SCAMP3: variants seen among roughly 807,000 people sequenced by gnomAD.
The protein encoded by SCAMP3 is secretory carrier membrane protein 3.
A neutral mutation model predicts 44.1 loss-of-function variants in SCAMP3; 30 were observed. The ratio of observed to expected loss-of-function variants is 0.68; its 90% CI spans 0.51 to 0.92. The LOEUF is 0.92. Among genes scored for constraint, SCAMP3 ranks in the 40% least tolerant of loss-of-function variants. The pLI is 0.00. For missense variants in SCAMP3, 394 were observed against 440.0 expected, an observed-to-expected ratio of 0.90 and a Z score of 0.93; for synonymous variants, 168 against 171.1, an observed-to-expected ratio of 0.98 and a Z score of 0.14.
chr1:155,262,339 G>A lies in SCAMP3; in HGVS notation c.-188C>T. On this transcript the variant is annotated 5_prime_UTR_variant, in exon 1 of 9. Coordinates refer to ENST00000302631, the MANE Select transcript of SCAMP3 (RefSeq NM_005698.4). ...CAGCCGTGGGTTGCGCCTGCGTCTT[G>A]TCCAAAAGCTAAGACGAAAGTGCCC... 1 of 590,876 alleles carries A rather than the reference G, an allele frequency of 1.7e-6. No individual in the cohort carries two copies. 36.6% of individuals were successfully genotyped at this position (590,876 alleles called of 1,614,324 possible).
chr1:155,261,403 G>T (rs574713459), intron 2 of SCAMP3: 1 of 543,446 alleles, frequency 1.8e-6, no homozygotes, highest in Middle Eastern at 3.1e-4. Context: ...TTCCCATACA[G>T]AACATTGGTT....
intron 8 of SCAMP3, 118 bp from the exon 9 acceptor site, chr1:155,256,537 AAC>A: frequency 7.2e-7 from 1 of 1,380,880 alleles, no homozygotes; most frequent in South Asian, 1.3e-5. Context: ...CACACACAGA[AAC>A]ACACACCCCA....
chr1:155,257,676 G>A lies in SCAMP3; in HGVS notation c.518-19C>T, dbSNP rs1181547873. The A allele has an allele frequency of 6.4e-7, 1 of 1,551,050 alleles. No individual in the cohort carries two copies. Among genetic ancestry groups the A allele is most frequent in the South Asian group, 1.2e-5 (1 of 84,154 alleles). On this transcript the variant is annotated intron_variant, in intron 5 of 8. Transcript: ENST00000302631. ...GTGCTGCCTAAGGGGCAGAGGGACA[G>A]GATGAGGAGCCCTTCTGGACTGCAA... is the stretch of plus-strand genomic sequence containing the variant.
rs1672781403 is a variant in SCAMP3 at position 155,256,045 on chromosome 1, G to A, written c.*228C>T. The stretch of plus-strand genomic sequence containing the variant: ...AGCAACAGCCGTGGCACAGCAGAGG[G>A]AAGCTGGGTTGGGGCGTGTGAGAGG... On this transcript the variant is annotated 3_prime_UTR_variant, in exon 9 of 9. Transcript: ENST00000302631. 7.3e-6 allele frequency: 3 copies of A among 413,730 alleles called. No individual in the cohort carries two copies. The highest frequency in any genetic ancestry group is 8.6e-6 in the Non-Finnish European group (2 of 232,298). 25.6% of individuals were successfully genotyped at this position (413,730 alleles called of 1,614,324 possible).
At position 155,256,732 on chromosome 1, in the gene SCAMP3, A is replaced by C. The variant is rs201183243; in HGVS notation, c.839T>G (p.Leu280Arg). The C allele has an allele frequency of 6.2e-7, 1 of 1,614,254 alleles. No individual in the cohort carries two copies. The highest frequency in any genetic ancestry group is 1.7e-5 in the Admixed American group (1 of 60,026). Residue 280 changes from leucine to arginine, a missense_variant, in exon 8 of 9, where the codon CTG (leucine) becomes CGG (arginine). Coordinates refer to ENST00000302631, the MANE Select transcript of SCAMP3 (RefSeq NM_005698.4). ...GCCAGTGAAGAGCAGGGCGACCAGCAGCATGAGCACGGATACTGCTGTGTT... is the reference window on the plus strand; with the variant it reads ...GCCAGTGAAGAGCAGGGCGACCAGCCGCATGAGCACGGATACTGCTGTGTT... ...KGNTAVSVLM[L>R]LVALLFTGIA...
At chr1:155,256,559 T>C in intron 8 of SCAMP3, 115 bp downstream of exon 8, 5 of 1,355,782 alleles carry the variant, frequency 3.7e-6, no homozygotes, top group Non-Finnish European at 3.1e-6. Flanking sequence ...AGAGGTCCAT[T>C]AGCTGAGAAC....
chr1:155,262,146 A>C lies in SCAMP3; in HGVS notation c.6T>G (p.Ala2=), dbSNP rs758742558. Reference sequence around the variant, plus strand: ...ACGGGTTTCCGCCGTCTCTGCTCTGAGCCATGTTTGCAACTGCGGCCTCCG... The same window carrying C: ...ACGGGTTTCCGCCGTCTCTGCTCTGCGCCATGTTTGCAACTGCGGCCTCCG... M[A]QSRDGGNPFA... Residue 2 remains alanine, a synonymous_variant, in exon 1 of 9, where the codon GCT becomes GCG. Transcript: ENST00000302631. 1 of 1,613,440 alleles carries C rather than the reference A, an allele frequency of 6.2e-7. No individual in the cohort carries two copies. The highest frequency in any genetic ancestry group is 1.3e-5 in the African/African-American group (1 of 74,906).
intron 4 of SCAMP3, among the ~76,000 whole-genome samples, chr1:155,259,645 G>A (rs966753236): frequency 1.5e-4 from 23 of 152,106 alleles, no homozygotes; most frequent in East Asian, 7.7e-4. Flanking sequence ...AATTACAGGC[G>A]TGAGGCACCA....
Position 155,258,839 on chromosome 1 carries a change from G to A in SCAMP3, c.504C>T (p.Tyr168=). 1 of 1,612,102 alleles carries A rather than the reference G, an allele frequency of 6.2e-7. No individual in the cohort carries two copies. Among genetic ancestry groups the A allele is most frequent in the Non-Finnish European group, 8.5e-7 (1 of 1,179,224 alleles). Reference sequence around the variant, plus strand: ...CTCACTACTCACACATCCAGAGGTAGTACATGGTGGATACAGTCTTCTGAA... The same window carrying A: ...CTCACTACTCACACATCCAGAGGTAATACATGGTGGATACAGTCTTCTGAA... ...QEFQKTVSTM[Y]YLWMCSTLAL... is the part of the protein sequence containing the mutation. Residue 168 remains tyrosine (Y), a synonymous_variant, in exon 5 of 9, where the codon TAC becomes TAT. Transcript: ENST00000302631.
rs879005212 is a variant in SCAMP3 at position 155,261,539 on chromosome 1, T to C, written c.144+118A>G. 8.7e-6 allele frequency: 8 copies of C among 924,070 alleles called. No individual in the cohort carries two copies. The South Asian group carries it at 1.1e-4, about 13-fold the overall frequency. 57.2% of individuals were successfully genotyped at this position (924,070 alleles called of 1,614,324 possible). A position where few individuals can be genotyped will look rare whatever the true frequency, so the allele number is the denominator to read the frequency against. On this transcript the variant is annotated intron_variant, in intron 2 of 8. Coordinates refer to ENST00000302631, the MANE Select transcript of SCAMP3 (RefSeq NM_005698.4). ...GGCTGACTAGCCTCTCTCAGGGAAC[T>C]AAGATCACAGTGCCTCTTCCTTCCT...
In SCAMP3 at chr1:155,260,536, C is replaced by T; in HGVS notation, c.267+1G>A. ...AGCCCTCACCTGCACACCTCCTGTA[C>T]CTGAGTGCTGTATGAGCCATAGTTC... is the stretch of plus-strand genomic sequence containing the variant. On this transcript the variant is annotated splice_donor_variant, in intron 3 of 8. Transcript: ENST00000302631. LOFTEE classifies it high-confidence loss of function. The T allele has an allele frequency of 6.2e-7, 1 of 1,614,174 alleles. No individual in the cohort carries two copies. The highest frequency in any genetic ancestry group is 2.2e-5 in the East Asian group (1 of 44,882).
chr1:155,259,160 C>A (rs1403095388), intron 4 of SCAMP3, among the ~76,000 whole-genome samples: 2 of 149,364 alleles, frequency 1.3e-5, no homozygotes, highest in Admixed American at 1.3e-4. Flanking sequence ...AACCCTCCCA[C>A]CTCAGCTTTT....
intron 2 of SCAMP3, 31 bp downstream of exon 2, chr1:155,261,626 C>T: frequency 6.2e-7 from 1 of 1,601,932 alleles, no homozygotes; most frequent in Admixed American, 1.7e-5. Flanking sequence ...CCCTTCCCTT[C>T]CTTGAACTCC....
In SCAMP3 at chr1:155,256,654, AC is replaced by A. The variant is rs1672807529; in HGVS notation, c.897+19del. 7 of 1,604,674 alleles carry A rather than the reference AC, an allele frequency of 4.4e-6. No individual in the cohort carries two copies. In the African/African-American group the frequency reaches 6.7e-5, roughly 15 times the overall value. ...CCCATGATCTCACCATCCCGGCCCC[AC>A]CTTCGACACAGCCCTCACCCGTTTC... On this transcript the variant is annotated intron_variant, in intron 8 of 8. Transcript: ENST00000302631.
Position 155,257,328 on chromosome 1 carries a change from G to A in SCAMP3, c.736C>T (p.Leu246Phe), listed in dbSNP as rs1430915875. ...ATACCAATGGCCTGGAGGACAAAGA[G>A]CACATCCTGGACGAAGAAAATGAAG... ...FFFIFFVQDV[L>F]FVLQAIGIPG... Residue 246 changes from leucine (L) to phenylalanine (F), a missense_variant, in exon 7 of 9, where the codon CTC becomes TTC. Coordinates refer to ENST00000302631, the MANE Select transcript of SCAMP3 (RefSeq NM_005698.4). 4 of 1,613,962 alleles carry A rather than the reference G, an allele frequency of 2.5e-6. No homozygotes were observed. The highest frequency in any genetic ancestry group is 2.7e-5 in the African/African-American group (2 of 74,930).
Position 155,260,312 on chromosome 1 carries a change from C to T in SCAMP3, c.388+18G>A, listed in dbSNP as rs749898812. 6.2e-7 allele frequency: 1 copy of T among 1,608,342 alleles called. No homozygotes were observed. The highest frequency in any genetic ancestry group is 2.2e-5 in the East Asian group (1 of 44,888). ...TCCTCCCAAACTCTCAGATGCTCTTCCCCACTCTATTACTTACTAGCTGTG... is the reference window on the plus strand; with the variant it reads ...TCCTCCCAAACTCTCAGATGCTCTTTCCCACTCTATTACTTACTAGCTGTG... On this transcript the variant is annotated intron_variant, in intron 4 of 8. Coordinates refer to ENST00000302631, the MANE Select transcript of SCAMP3 (RefSeq NM_005698.4).
chr1:155,260,689 T>C, intron 2 of SCAMP3, 30 bp from the exon 3 acceptor site: 1 of 1,572,312 alleles, frequency 6.4e-7, no homozygotes, highest in Non-Finnish European at 8.6e-7. Context: ...AGTGATCATC[T>C]AGTCCCTCAT....
In SCAMP3 at chr1:155,256,231, C is replaced by G; in HGVS notation, c.*42G>C. On this transcript the variant is annotated 3_prime_UTR_variant, in exon 9 of 9. Transcript: ENST00000302631. ...GAGACCTTAGGGACGGGAGCTAAGT[C>G]AGCTCCCTCAAGTAGCAGGGCCAGG... The G allele has an allele frequency of 6.6e-7, 1 of 1,513,956 alleles. No homozygotes were observed. Among genetic ancestry groups the G allele is most frequent in the Admixed American group, 2.2e-5 (1 of 44,862 alleles). 93.8% of individuals were successfully genotyped at this position (1,513,956 alleles called of 1,614,324 possible). A position where few individuals can be genotyped will look rare whatever the true frequency, so the allele number is the denominator to read the frequency against.
rs1178790563 is a variant in SCAMP3, at chr1:155,260,613, G to T, written c.191C>A (p.Pro64His). 1 of 1,614,080 alleles carries T rather than the reference G, an allele frequency of 6.2e-7. No individual in the cohort carries two copies. The highest frequency in any genetic ancestry group is 1.7e-5 in the Admixed American group (1 of 60,016). Residue 64 changes from proline (P) to histidine (H), a missense_variant, in exon 3 of 9, where the codon CCC becomes CAC. Pro to His is a moderately conservative substitution (Grantham distance 77, BLOSUM62 -2). Coordinates refer to ENST00000302631, the MANE Select transcript of SCAMP3 (RefSeq NM_005698.4). The stretch of plus-strand genomic sequence containing the variant: ...CGAGGGCTGCAAGGAGGGAGCTGAG[G>T]GTGGAGGCAATGGGGCAGGGGCTGG... ...EPPAPAPLPP[P>H]SAPSLQPSRK...
Sources: gnomAD v4.1 joint callset for allele counts (sites outside exome capture counted in the v4.1 genomes callset) on GRCh38, gnomAD v4.1.1 for gene constraint, MANE v1.5 for transcripts, NCBI Gene and HGNC (gene_info 2026-07-23, HGNC 2026-07-21) for gene names.